Variants in ZBTB7C observed in about 807,000 individuals in gnomAD.
ZBTB7C encodes the protein zinc finger and BTB domain-containing protein 7C.
ZBTB7C carries 8 observed loss-of-function variants against 25.7 expected under a neutral mutation model. The observed-to-expected ratio is 0.31, with a 90% CI of 0.18 to 0.56. The LOEUF is 0.56. Ranked by LOEUF, ZBTB7C falls within the 20% of genes least tolerant of loss-of-function variation. ZBTB7C has a pLI of 0.91. For missense variants in ZBTB7C, 824 were observed against 855.2 expected, an observed-to-expected ratio of 0.96 and a Z score of 0.46; for synonymous variants, 394 against 369.0, an observed-to-expected ratio of 1.07 and a Z score of -0.78.
intron 3 of ZBTB7C, among the ~76,000 whole-genome samples, chr18:48,162,897 A>C (rs2041115717): frequency 6.6e-6 from 1 of 152,122 alleles, no homozygotes; most frequent in African/African-American, 2.4e-5. Flanking sequence ...CCTATGGGAG[A>C]AAAATGTCAC....
chr18:48,143,654 G>A (rs62087430), intron 3 of ZBTB7C, among the ~76,000 whole-genome samples: 1 of 152,058 alleles, frequency 6.6e-6, no homozygotes, highest in Non-Finnish European at 1.5e-5. Flanking sequence ...TTGTCCTTGG[G>A]CCCTGTCTTT....
chr18:48,336,987 A>C (rs2046471487), intron 2 of ZBTB7C, among the ~76,000 whole-genome samples: 1 of 152,042 alleles, frequency 6.6e-6, no homozygotes, highest in East Asian at 1.9e-4. Flanking sequence ...TTCTTTCTCC[A>C]TTTCCTTATA....
At chr18:48,190,517 A>C (rs1474154444) in intron 2 of ZBTB7C, among the ~76,000 whole-genome samples, 1 of 152,178 alleles carries the variant, frequency 6.6e-6, no homozygotes, top group Non-Finnish European at 1.5e-5. Context: ...CAGACACTGA[A>C]GCAGTGCTCA....
At chr18:48,371,208 T>C (rs984597152) in intron 1 of ZBTB7C, among the ~76,000 whole-genome samples, 2 of 152,180 alleles carry the variant, frequency 1.3e-5, no homozygotes, top group Non-Finnish European at 2.9e-5. Flanking sequence ...CAGGAACAAC[T>C]GACAAGCTCT....
intron 3 of ZBTB7C, chr18:48,072,572 G>A (rs887724046): frequency 1.3e-5 from 2 of 152,248 alleles, no homozygotes; most frequent in African/African-American, 2.4e-5. Flanking sequence ...GCTTCACAGT[G>A]TCTCCCCGGG....
intron 1 of ZBTB7C, among the ~76,000 whole-genome samples, chr18:48,355,564 G>A (rs540335995): frequency 1.3e-5 from 2 of 152,214 alleles, no homozygotes; most frequent in Middle Eastern, 3.4e-3. Flanking sequence ...AGACCTGCTC[G>A]GGGCTTCCCA....
In ZBTB7C at chr18:48,340,061, G is replaced by T. The variant is rs1424010943; in HGVS notation, c.-303-1663C>A. Among the ~76,000 whole-genome samples the T allele has an allele frequency of 2.0e-5, 3 of 152,158 alleles. No individual in the cohort carries two copies. In the East Asian group the frequency reaches 5.8e-4, roughly 29 times the overall value. ...ATACATTTCATATACTCTATGTGTGGAATATATTCTTAAATAATAAAAATG... is the reference window on the plus strand; with the variant it reads ...ATACATTTCATATACTCTATGTGTGTAATATATTCTTAAATAATAAAAATG... On this transcript the variant is annotated intron_variant, in intron 1 of 4. Coordinates refer to ENST00000590800, the MANE Select transcript of ZBTB7C (RefSeq NM_001318841.2).
Position 48,106,557 on chromosome 18 carries a change from G to A in ZBTB7C, c.-16-65434C>T, listed in dbSNP as rs113518005. Reference sequence around the variant, plus strand: ...ATGTTATGGGTGGGGAGTCAGAGGAGGGGCAGGAGGTAACTTGAGGGGTGC... The same window carrying A: ...ATGTTATGGGTGGGGAGTCAGAGGAAGGGCAGGAGGTAACTTGAGGGGTGC... On this transcript the variant is annotated intron_variant, in intron 3 of 4. Transcript: ENST00000590800. Among the ~76,000 whole-genome samples, 68 of 152,248 alleles carry A rather than the reference G, an allele frequency of 4.5e-4. 1 individual carries two copies. The highest frequency in any genetic ancestry group is 1.5e-3 in the African/African-American group (62 of 41,538).
At chr18:48,077,621 A>G (rs891481306) in intron 3 of ZBTB7C, among the ~76,000 whole-genome samples, 11 of 152,196 alleles carry the variant, frequency 7.2e-5, no homozygotes, top group Admixed American at 4.6e-4. Context: ...AGGTCACCAA[A>G]GAGGGTAGCT....
intron 2 of ZBTB7C, among the ~76,000 whole-genome samples, chr18:48,323,102 G>C (rs1295966190): frequency 1.3e-5 from 2 of 152,178 alleles, no homozygotes; most frequent in Non-Finnish European, 2.9e-5. Context: ...AGTGTATTCT[G>C]CTCGAGTGCA....
intron 1 of ZBTB7C, among the ~76,000 whole-genome samples, chr18:48,395,598 C>A (rs906929502): frequency 6.6e-6 from 1 of 151,934 alleles, no homozygotes; most frequent in African/African-American, 2.4e-5. Flanking sequence ...GGGAATGTAA[C>A]CATTTACACT....
intron 3 of ZBTB7C, among the ~76,000 whole-genome samples, chr18:48,160,395 A>G (rs892653984): frequency 1.1e-4 from 16 of 152,214 alleles, no homozygotes; most frequent in Admixed American, 1.0e-3. Flanking sequence ...AAAGCACAGT[A>G]TAACAGCAGG....
At chr18:48,075,180 G>A (rs958014455) in intron 3 of ZBTB7C, among the ~76,000 whole-genome samples, 1 of 152,136 alleles carries the variant, frequency 6.6e-6, no homozygotes, top group Non-Finnish European at 1.5e-5. Flanking sequence ...TGAAGAGGAC[G>A]CATTTGAGCT....
chr18:48,080,707 T>G (rs1260396647), intron 3 of ZBTB7C, among the ~76,000 whole-genome samples: 3 of 152,206 alleles, frequency 2.0e-5, no homozygotes, highest in African/African-American at 7.2e-5. Context: ...CACCAGCCAC[T>G]GTGAGCTTGG....
chr18:48,066,691 G>A lies in ZBTB7C; in HGVS notation c.-16-25568C>T, dbSNP rs570300114. ...TCAAATGCAAGTCTACAGGCCCTGA[G>A]AAATGCTGGGCATGTTCACAAGTGC... On this transcript the variant is annotated intron_variant, in intron 3 of 4. Coordinates refer to ENST00000590800, the MANE Select transcript of ZBTB7C (RefSeq NM_001318841.2). Among the ~76,000 whole-genome samples the A allele has an allele frequency of 1.8e-4, 28 of 152,292 alleles. 3 individuals carry two copies. The South Asian group carries it at 5.6e-3, about 30-fold the overall frequency.
intron 2 of ZBTB7C, among the ~76,000 whole-genome samples, chr18:48,336,610 G>A (rs2046463057): frequency 6.6e-6 from 1 of 152,182 alleles, no homozygotes; most frequent in South Asian, 2.1e-4. Flanking sequence ...CAGGTAATCA[G>A]TAAACATTAG....
intron 1 of ZBTB7C, among the ~76,000 whole-genome samples, chr18:48,375,957 A>G (rs2047509923): frequency 6.6e-6 from 1 of 152,174 alleles, no homozygotes; most frequent in African/African-American, 2.4e-5. Flanking sequence ...CTGTCTCCTA[A>G]TCTTTAAGAG....
chr18:48,381,280 G>T (rs558229101), intron 1 of ZBTB7C, among the ~76,000 whole-genome samples: 34 of 152,278 alleles, frequency 2.2e-4, no homozygotes, highest in Middle Eastern at 3.4e-3. Flanking sequence ...GATGGTAAAA[G>T]GTGGCCCCAA....
intron 2 of ZBTB7C, among the ~76,000 whole-genome samples, chr18:48,328,062 G>T (rs2046263644): frequency 6.6e-6 from 1 of 151,544 alleles, no homozygotes; most frequent in Non-Finnish European, 1.5e-5. Context: ...GGTGCCTGTA[G>T]TCCCAGCTAC....
Sources: allele counts gnomAD v4.1 joint callset (sites outside exome capture counted in the v4.1 genomes callset), GRCh38; gene constraint gnomAD v4.1.1; transcripts MANE v1.5; gene names NCBI Gene and HGNC (gene_info 2026-07-23, HGNC 2026-07-21).